ADGRV1: variants seen among roughly 807,000 people sequenced by gnomAD.
ADGRV1 encodes adhesion G protein-coupled receptor V1.
A neutral mutation model predicts 596.2 loss-of-function variants in ADGRV1; 359 were observed. That is an observed-to-expected ratio of 0.60 (90% confidence interval 0.55 to 0.66). The LOEUF (loss-of-function observed/expected upper bound fraction) is 0.66. ADGRV1 is among the 30% of genes least tolerant of loss of function. ADGRV1 has a pLI of 0.00. For missense variants in ADGRV1, 7,274 were observed against 7,575.6 expected, an observed-to-expected ratio of 0.96 and a Z score of 1.48; for synonymous variants, 2,681 against 2,679.2, an observed-to-expected ratio of 1.00 and a Z score of -0.02.
intron 1 of ADGRV1, among the ~76,000 whole-genome samples, chr5:90,604,549 A>G (rs1461725892): frequency 6.6e-6 from 1 of 152,180 alleles, no homozygotes; most frequent in Non-Finnish European, 1.5e-5. Context: ...ACTTTTTAAG[A>G]TCTATGTAGG....
rs552781732 is a variant in ADGRV1 at position 90,896,854 on chromosome 5, C to T, written c.17856+32997C>T. On this transcript the variant is annotated intron_variant, in intron 83 of 89. Transcript: ENST00000405460. ...TTATCATGAACTCCTTGTGCCTGCA[C>T]CAGCACAAGACAGCATTAATTGGGC... Among the ~76,000 whole-genome samples the T allele has an allele frequency of 2.6e-5, 4 of 152,266 alleles. No homozygotes were observed. In the East Asian group the frequency reaches 7.7e-4, roughly 29 times the overall value.
chr5:91,137,643 G>T (rs1383733152), intron 87 of ADGRV1, among the ~76,000 whole-genome samples: 2 of 152,178 alleles, frequency 1.3e-5, no homozygotes, highest in South Asian at 2.1e-4. Context: ...CTAAATTTAG[G>T]CAAAGCCTTC....
chr5:91,074,104 A>G (rs976146128), intron 86 of ADGRV1, among the ~76,000 whole-genome samples: 1 of 152,244 alleles, frequency 6.6e-6, no homozygotes, highest in African/African-American at 2.4e-5. Flanking sequence ...TCTAGAAGCT[A>G]TGCTTGTTTT....
chr5:90,818,728 C>G (rs923155185), intron 75 of ADGRV1, among the ~76,000 whole-genome samples: 1 of 150,330 alleles, frequency 6.7e-6, no homozygotes, highest in Non-Finnish European at 1.5e-5. Flanking sequence ...TATTGATTTG[C>G]GTATATTGAA....
chr5:90,652,221 G>A lies in ADGRV1; in HGVS notation c.3417-125G>A, dbSNP rs73181647. The A allele has an allele frequency of 4.9e-3, 2,784 of 568,760 alleles. 18 individuals are homozygous for A. Among genetic ancestry groups the A allele is most frequent in the Middle Eastern group, 0.028 (65 of 2,358 alleles). 35.2% of individuals were successfully genotyped at this position (568,760 alleles called of 1,614,324 possible). A position where few individuals can be genotyped will look rare whatever the true frequency, so the allele number is the denominator to read the frequency against. On this transcript the variant is annotated intron_variant, in intron 18 of 89. Coordinates refer to ENST00000405460, the MANE Select transcript of ADGRV1 (RefSeq NM_032119.4). ...CATGAAATTCTTCATAGTTTGCCTC[G>A]TAGAACCAGCTGGTTTGTTTCTTTT...
At chr5:91,065,696 G>A (rs75659169) in intron 85 of ADGRV1, among the ~76,000 whole-genome samples, 1,755 of 152,208 alleles carry the variant, frequency 0.012, 38 homozygotes, top group African/African-American at 0.041. Flanking sequence ...ATTGGGTAAC[G>A]CAAGTGAAAA....
At chr5:90,963,653 G>C (rs1778208687) in intron 83 of ADGRV1, among the ~76,000 whole-genome samples, 1 of 151,708 alleles carries the variant, frequency 6.6e-6, no homozygotes, top group Admixed American at 6.6e-5. Flanking sequence ...TTTAAAAATT[G>C]TTCTGGAGTC....
At chr5:91,139,812 C>T (rs937785949) in intron 87 of ADGRV1, among the ~76,000 whole-genome samples, 3 of 152,202 alleles carry the variant, frequency 2.0e-5, no homozygotes, top group Non-Finnish European at 2.9e-5. Context: ...ACATCAGTTA[C>T]TTCTGAAATG....
At position 90,968,759 on chromosome 5, in the gene ADGRV1, A is replaced by G. The variant is rs548442485; in HGVS notation, c.17973+3228A>G. On this transcript the variant is annotated intron_variant, in intron 84 of 89. Transcript: ENST00000405460. ...AAAACATTATGTAGAAGGTTAGACT[A>G]TTATTAGTTCAATCCTATTAGTTGA... Among the ~76,000 whole-genome samples the G allele has an allele frequency of 4.9e-4, 75 of 152,310 alleles. No homozygotes were observed. In the South Asian group the frequency reaches 0.015, roughly 31 times the overall value.
chr5:91,071,391 T>C (rs1788377634), intron 85 of ADGRV1, among the ~76,000 whole-genome samples: 1 of 152,142 alleles, frequency 6.6e-6, no homozygotes, highest in Non-Finnish European at 1.5e-5. Flanking sequence ...GTACTCTCCC[T>C]GGAATCCACC....
chr5:91,155,732 T>C (rs1796426315), intron 89 of ADGRV1, among the ~76,000 whole-genome samples: 1 of 152,194 alleles, frequency 6.6e-6, no homozygotes, highest in Admixed American at 6.5e-5. Flanking sequence ...GATGCCATGG[T>C]AAGGAGTGAG....
intron 83 of ADGRV1, among the ~76,000 whole-genome samples, chr5:90,928,930 C>T (rs865895889): frequency 1.4e-5 from 2 of 145,742 alleles, no homozygotes; most frequent in African/African-American, 2.5e-5. Context: ...GGGTGCCTCC[C>T]AGTTAGGCTG....
chr5:90,920,394 A>G (rs1773772932), intron 83 of ADGRV1, among the ~76,000 whole-genome samples: 1 of 152,232 alleles, frequency 6.6e-6, no homozygotes, highest in South Asian at 2.1e-4. Context: ...CGCAAATATT[A>G]GAACATAACA....
rs1240142910 is a variant in ADGRV1 at position 90,708,713 on chromosome 5, A to G, written c.8731-103A>G. ...GTCTACTTTATGGTTGCATTTTTGT[A>G]TCTTCTGTATACTAATTATACAGTT... On this transcript the variant is annotated intron_variant, in intron 38 of 89. Coordinates refer to ENST00000405460, the MANE Select transcript of ADGRV1 (RefSeq NM_032119.4). 6.6e-6 allele frequency: 4 copies of G among 609,140 alleles called. No individual in the cohort carries two copies. In the Admixed American group the frequency reaches 9.3e-5, roughly 14 times the overall value. 37.7% of individuals were successfully genotyped at this position (609,140 alleles called of 1,614,324 possible).
At chr5:90,578,412 G>T (rs922778815) in intron 1 of ADGRV1, among the ~76,000 whole-genome samples, 1 of 152,120 alleles carries the variant, frequency 6.6e-6, no homozygotes, top group Non-Finnish European at 1.5e-5. Flanking sequence ...GATGGATTAC[G>T]TTTATTGATT....
At position 90,721,383 on chromosome 5, in the gene ADGRV1, G is replaced by T. The variant is rs184516433; in HGVS notation, c.9748+324G>T. Reference sequence around the variant, plus strand: ...GCCGGGCGTAGTGGCAGGCGCCTGTGGTCCCAGCTACTCGGGAGGCTAAGA... The same window carrying T: ...GCCGGGCGTAGTGGCAGGCGCCTGTTGTCCCAGCTACTCGGGAGGCTAAGA... On this transcript the variant is annotated intron_variant, in intron 45 of 89. Transcript: ENST00000405460. Among the ~76,000 whole-genome samples, 4,972 of 151,440 alleles carry T rather than the reference G, an allele frequency of 0.033. 301 individuals are homozygous for T. Among genetic ancestry groups the T allele is most frequent in the African/African-American group, 0.11 (4,638 of 41,270 alleles).
chr5:91,068,592 C>T (rs1788095168), intron 85 of ADGRV1, among the ~76,000 whole-genome samples: 4 of 151,542 alleles, frequency 2.6e-5, no homozygotes, highest in Non-Finnish European at 5.9e-5. Context: ...CAAGAAACAT[C>T]TCTACAAGGA....
intron 77 of ADGRV1, among the ~76,000 whole-genome samples, chr5:90,837,076 A>G (rs1187448750): frequency 6.6e-6 from 1 of 152,264 alleles, no homozygotes; most frequent in Non-Finnish European, 1.5e-5. Flanking sequence ...CAGCATTCCC[A>G]TGTACGTAAG....
chr5:90,788,331 C>T (rs1581126811), intron 68 of ADGRV1, 21 bp downstream of exon 68: 1 of 1,570,248 alleles, frequency 6.4e-7, no homozygotes. Context: ...CTTTATTTTT[C>T]TCACAAAATG....
Sources: allele counts gnomAD v4.1 joint callset (sites outside exome capture counted in the v4.1 genomes callset), GRCh38; gene constraint gnomAD v4.1.1; transcripts MANE v1.5; gene names NCBI Gene and HGNC (gene_info 2026-07-23, HGNC 2026-07-21).